COL4A5: variants seen among roughly 807,000 people sequenced by gnomAD.
COL4A5 encodes collagen type IV alpha 5 chain.
In COL4A5, 26 loss-of-function variants were observed where a neutral mutation model predicts 130.2. That is an observed-to-expected ratio of 0.20 (90% CI 0.15 to 0.28). The LOEUF (loss-of-function observed/expected upper bound fraction) is 0.28, where lower values mean the gene tolerates loss of function less well. Ranked by LOEUF, COL4A5 falls within the 10% of genes least tolerant of loss-of-function variation. The pLI is 1.00. For missense variants in COL4A5, 1,131 were observed against 1,344.3 expected, an observed-to-expected ratio of 0.84 and a Z score of 2.48; for synonymous variants, 496 against 439.6, an observed-to-expected ratio of 1.13 and a Z score of -1.60.
At chrX:108,618,713 A>G (rs1489623376) in intron 30 of COL4A5, among the ~76,000 whole-genome samples, 1 of 110,030 alleles carries the variant, frequency 9.1e-6, no homozygotes, top group East Asian at 2.9e-4. Context: ...TTAAATGCTT[A>G]GTTTTTTTTT....
At chrX:108,563,163 A>AT (rs1486492888) in intron 3 of COL4A5, among the ~76,000 whole-genome samples, 3 of 111,516 alleles carry the variant, frequency 2.7e-5, no homozygotes, top group Non-Finnish European at 3.8e-5. Flanking sequence ...GTAGGTTTCA[A>AT]TTTTTTGCTA....
intron 3 of COL4A5, among the ~76,000 whole-genome samples, chrX:108,562,616 C>G (rs934667539): frequency 1.8e-5 from 2 of 111,336 alleles, no homozygotes; most frequent in Non-Finnish European, 3.8e-5. Context: ...TCTAAACTTT[C>G]AGGATTCTGA....
intron 2 of COL4A5, among the ~76,000 whole-genome samples, chrX:108,546,484 A>G (rs994307956): frequency 4.5e-5 from 5 of 112,136 alleles, no homozygotes; most frequent in African/African-American, 1.6e-4. Context: ...ATCCACTGTT[A>G]GTCTGATGGG....
intron 19 of COL4A5, among the ~76,000 whole-genome samples, chrX:108,587,685 A>G (rs1260467306): frequency 9.0e-6 from 1 of 111,477 alleles, no homozygotes; most frequent in African/African-American, 3.3e-5. Context: ...AGTTTTTTGA[A>G]GAACCTCCAT....
At chrX:108,498,640 A>G (rs1333025975) in intron 1 of COL4A5, among the ~76,000 whole-genome samples, 2 of 111,003 alleles carry the variant, frequency 1.8e-5, no homozygotes, top group Non-Finnish European at 3.8e-5. Context: ...ATATATTTCC[A>G]TTTACTTGAT....
At chrX:108,694,712 G>T in intron 50 of COL4A5, 95 bp from the exon 51 acceptor site, 1 of 644,249 alleles carries the variant, frequency 1.6e-6, no homozygotes, top group Non-Finnish European at 2.6e-6. Context: ...GACATTAATC[G>T]GCTTCCATAC....
At chrX:108,457,135 C>A (rs192895643) in intron 1 of COL4A5, among the ~76,000 whole-genome samples, 9 of 112,050 alleles carry the variant, frequency 8.0e-5, no homozygotes, top group African/African-American at 2.3e-4. Flanking sequence ...GTGTCTTCAA[C>A]GTTTGCTCCC....
chrX:108,482,769 C>T (rs1360321696), intron 1 of COL4A5, among the ~76,000 whole-genome samples: 1 of 111,706 alleles, frequency 9.0e-6, no homozygotes, highest in African/African-American at 3.3e-5. Context: ...ACAATCTTAG[C>T]AGATTTGAGG....
chrX:108,511,644 GA>G (rs2065180255), intron 1 of COL4A5, among the ~76,000 whole-genome samples: 1 of 111,500 alleles, frequency 9.0e-6, no homozygotes, highest in Non-Finnish European at 1.9e-5. Flanking sequence ...TGAAAGCTCA[GA>G]AAAAAACTCT....
In COL4A5 at chrX:108,606,761, TACCTGGGCC is replaced by T. The variant is rs1301484227; in HGVS notation, c.2277_2285del (p.Pro761_Gly763del). The T allele has an allele frequency of 9.1e-6, 11 of 1,209,732 alleles. No homozygotes were observed. The highest frequency in any genetic ancestry group is 1.1e-5 in the Non-Finnish European group (10 of 894,975). On this transcript the variant is annotated inframe_deletion, in exon 29 of 53. Coordinates refer to ENST00000328300, the MANE Select transcript of COL4A5 (RefSeq NM_033380.3). ...CTCAAGGGTGAACCAGGATTTGCATTACCTGGGCCACCTGGGCCACCAGGACTTCCAGGT... is the reference window on the plus strand; with the variant it reads ...CTCAAGGGTGAACCAGGATTTGCATTACCTGGGCCACCAGGACTTCCAGGT...
rs2064369180 is a variant in COL4A5, at chrX:108,440,026, T to C, written c.-100T>C. On this transcript the variant is annotated 5_prime_UTR_variant, in exon 1 of 53. Transcript: ENST00000328300. ...CCAAGCCTCACTGTCCCTCTCCGGC[T>C]CTAGCTCTCTCCATATAAACCCTCA... 1.6e-6 allele frequency: 1 copy of C among 631,540 alleles called. No individual in the cohort carries two copies. Among genetic ancestry groups the C allele is most frequent in the Non-Finnish European group, 2.6e-6 (1 of 388,184 alleles). 52.0% of individuals were successfully genotyped at this position (631,540 alleles called of 1,213,427 possible).
intron 10 of COL4A5, among the ~76,000 whole-genome samples, chrX:108,577,722 C>G (rs1306301015): frequency 2.7e-5 from 3 of 110,944 alleles, no homozygotes; most frequent in African/African-American, 9.9e-5. Flanking sequence ...CTACCTCTGC[C>G]CATCCCAGCT....
intron 2 of COL4A5, among the ~76,000 whole-genome samples, chrX:108,555,528 T>A (rs1348095450): frequency 8.9e-6 from 1 of 112,263 alleles, no homozygotes; most frequent in Non-Finnish European, 1.9e-5. Flanking sequence ...TATGTTCATA[T>A]AATGTCTGCA....
intron 9 of COL4A5, among the ~76,000 whole-genome samples, chrX:108,574,725 C>T (rs965615333): frequency 8.9e-6 from 1 of 111,979 alleles, no homozygotes; most frequent in Non-Finnish European, 1.9e-5. Flanking sequence ...GTTTCACTTT[C>T]ATATAACTTT....
At chrX:108,603,269 A>C (rs911863067) in intron 28 of COL4A5, among the ~76,000 whole-genome samples, 1 of 109,493 alleles carries the variant, frequency 9.1e-6, no homozygotes, top group Non-Finnish European at 1.9e-5. Context: ...AAAAAAAAAA[A>C]AAAAAAAACC....
intron 1 of COL4A5, among the ~76,000 whole-genome samples, chrX:108,504,448 A>G (rs1006512231): frequency 1.8e-5 from 2 of 112,083 alleles, no homozygotes; most frequent in Non-Finnish European, 3.8e-5. Context: ...TGAACAGACA[A>G]CCTACAGAAT....
intron 36 of COL4A5, among the ~76,000 whole-genome samples, chrX:108,637,057 C>T (rs2147895692): frequency 9.3e-6 from 1 of 107,013 alleles, no homozygotes; most frequent in African/African-American, 3.4e-5. Context: ...ATTCTCATGC[C>T]TCAGCCTCCT....
chrX:108,557,082 A>G (rs900406722), intron 2 of COL4A5, among the ~76,000 whole-genome samples: 2 of 111,493 alleles, frequency 1.8e-5, no homozygotes, highest in Admixed American at 9.6e-5. Context: ...GCTTCTGAGA[A>G]AATATGGCTT....
intron 36 of COL4A5, among the ~76,000 whole-genome samples, chrX:108,644,436 T>C (rs910618171): frequency 8.9e-6 from 1 of 111,908 alleles, no homozygotes; most frequent in Non-Finnish European, 1.9e-5. Context: ...AGAATACACA[T>C]TCTATTCAAA....
Sources: allele counts gnomAD v4.1 joint callset (sites outside exome capture counted in the v4.1 genomes callset), GRCh38; gene constraint gnomAD v4.1.1; transcripts MANE v1.5; gene names NCBI Gene and HGNC (gene_info 2026-07-23, HGNC 2026-07-21).